The following SCUBE1 variants were observed in gnomAD, a reference collection of about 807,000 sequenced individuals.
SCUBE1 encodes the protein signal peptide, CUB and EGF-like domain-containing protein 1.
Under a neutral mutation model 124.4 loss-of-function variants are expected in SCUBE1, and 59 were observed. That is an observed-to-expected ratio of 0.47 (90% CI 0.38 to 0.59). SCUBE1 has a LOEUF of 0.59. SCUBE1 is among the 20% of genes least tolerant of loss of function. The pLI is 0.00. For synonymous variants in SCUBE1, 545 were observed against 550.9 expected (o/e 0.99, Z 0.15); for missense variants, 1,150 against 1,371.2 (o/e 0.84, Z 2.55).
chr22:43,247,987 T>C (rs948810424), intron 6 of SCUBE1, among the ~76,000 whole-genome samples: 1 of 152,188 alleles, frequency 6.6e-6, no homozygotes, highest in African/African-American at 2.4e-5. Flanking sequence ...GGGGCCCACT[T>C]AGACCAGCGG....
In SCUBE1 at chr22:43,339,221, C is replaced by G; in HGVS notation, c.103G>C (p.Asp35His). The G allele has an allele frequency of 6.2e-7, 1 of 1,613,630 alleles. No individual in the cohort carries two copies. Among genetic ancestry groups the G allele is most frequent in the Non-Finnish European group, 8.5e-7 (1 of 1,179,690 alleles). The change falls in exon 2 of 22, where the codon GAT becomes CAT. Residue 35 changes from aspartate to histidine, a missense_variant. Physicochemically the swap from Asp to His is moderately conservative, Grantham distance 81. Around this residue, in one of 3 missense-constraint regions of SCUBE1, gnomAD observed 56 missense variants for 48.1 expected, o/e 1.16. Transcript: ENST00000360835. ...GSGLPGSVDVDECSEGTDDCH... is the reference protein window; with the variant it reads ...GSGLPGSVDVHECSEGTDDCH... ...TCATCTGTGCCCTCTGAGCACTCAT[C>G]CACGTCGACTGACCCTGTGGGTAGG...
chr22:43,317,689 A>G (rs1318683696), intron 3 of SCUBE1, among the ~76,000 whole-genome samples: 2 of 152,238 alleles, frequency 1.3e-5, no homozygotes, highest in East Asian at 1.9e-4. Context: ...CGTGTTTCCC[A>G]TGACAAGATA....
intron 1 of SCUBE1, among the ~76,000 whole-genome samples, chr22:43,339,592 CTCCCCTACTCTCCTCACTCTA>C (rs1353061073): frequency 2.7e-5 from 4 of 150,796 alleles, no homozygotes; most frequent in Non-Finnish European, 4.4e-5. Flanking sequence ...CACTCCAGCC[CTCCCCTACTCTCCTCACTCTA>C]TCCCCTACTC....
chr22:43,247,764 G>A (rs1013016854), intron 6 of SCUBE1, among the ~76,000 whole-genome samples: 13 of 152,258 alleles, frequency 8.5e-5, no homozygotes, highest in African/African-American at 2.9e-4. Flanking sequence ...AGCGGGCAGG[G>A]TGGCAGAGGG....
At chr22:43,309,830 T>G (rs574885772) in intron 3 of SCUBE1, among the ~76,000 whole-genome samples, 2 of 152,066 alleles carry the variant, frequency 1.3e-5, no homozygotes, top group South Asian at 4.1e-4. Flanking sequence ...CTCTCATATC[T>G]CATCCACTGG....
intron 7 of SCUBE1, 94 bp from the exon 8 acceptor site, chr22:43,231,969 C>T: frequency 3.3e-6 from 5 of 1,506,826 alleles, no homozygotes; most frequent in East Asian, 2.3e-5. Context: ...GGGGATGACA[C>T]TGCCCTGAGT....
intron 8 of SCUBE1, 88 bp downstream of exon 8, chr22:43,231,665 C>T (rs868635893): frequency 3.4e-6 from 5 of 1,484,558 alleles, no homozygotes; most frequent in Middle Eastern, 2.3e-4. Context: ...CATTCCCCTC[C>T]CCTCCTAGGA....
At position 43,269,637 on chromosome 22, in the gene SCUBE1, C is replaced by G. The variant is rs1924213679; in HGVS notation, c.485-6792G>C. On this transcript the variant is annotated intron_variant, in intron 4 of 21. Transcript: ENST00000360835. ...CAAACACCTTGCTGCGCCCTTCCCC[C>G]TCAACTTGGGAGGAAGGGATTTTCC... is the stretch of plus-strand genomic sequence containing the variant. Among the ~76,000 whole-genome samples, 2 of 152,114 alleles carry G rather than the reference C, an allele frequency of 1.3e-5. 1 individual carries two copies. Among genetic ancestry groups the G allele is most frequent in the South Asian group, 4.2e-4 (2 of 4,818 alleles).
Position 43,322,354 on chromosome 22 carries a change from C to T in SCUBE1, c.221-2289G>A, listed in dbSNP as rs948272959. Among the ~76,000 whole-genome samples, 25 of 152,098 alleles carry T rather than the reference C, an allele frequency of 1.6e-4. 1 individual carries two copies. The highest frequency in any genetic ancestry group is 6.0e-4 in the African/African-American group (25 of 41,394). ...TTGCAGCCCTGACCTTTCTCCAGAG[C>T]CCCAGATAGACTAATGCAACCACCT... On this transcript the variant is annotated intron_variant, in intron 2 of 21. Transcript: ENST00000360835.
At chr22:43,278,499 G>A (rs938681425) in intron 4 of SCUBE1, among the ~76,000 whole-genome samples, 4 of 152,226 alleles carry the variant, frequency 2.6e-5, no homozygotes, top group African/African-American at 4.8e-5. Flanking sequence ...TGCAGGAGCC[G>A]TGCTAGGGCC....
In SCUBE1 at chr22:43,267,680, C is replaced by T. The variant is rs114396320; in HGVS notation, c.485-4835G>A. Among the ~76,000 whole-genome samples the T allele has an allele frequency of 8.5e-3, 1,299 of 152,312 alleles. 23 individuals are homozygous for T. Among genetic ancestry groups the T allele is most frequent in the African/African-American group, 0.029 (1,216 of 41,556 alleles). ...AACAGTGACACAGCGACCAGGGTGGCAGGCTGGGGCAGGGATAAGGCACTG... is the reference window on the plus strand; with the variant it reads ...AACAGTGACACAGCGACCAGGGTGGTAGGCTGGGGCAGGGATAAGGCACTG... On this transcript the variant is annotated intron_variant, in intron 4 of 21. Coordinates refer to ENST00000360835, the MANE Select transcript of SCUBE1 (RefSeq NM_173050.5).
chr22:43,278,562 A>G (rs890057541), intron 4 of SCUBE1, among the ~76,000 whole-genome samples: 10 of 152,218 alleles, frequency 6.6e-5, no homozygotes, highest in Admixed American at 6.5e-4. Flanking sequence ...CCAGGAGCCA[A>G]TAGGAACCTG....
rs1925681140 is a variant in SCUBE1, at chr22:43,299,291, C to A, written c.350-8111G>T. The stretch of plus-strand genomic sequence containing the variant: ...TGCAGCACGAAGCCGCTGCTCATGG[C>A]CTCAGGGAATCACGGGTACGAACGT... On this transcript the variant is annotated intron_variant, in intron 3 of 21. Coordinates refer to ENST00000360835, the MANE Select transcript of SCUBE1 (RefSeq NM_173050.5). 2.0e-5 allele frequency among the ~76,000 whole-genome samples: 3 copies of A among 152,128 alleles called. No individual in the cohort carries two copies. In the South Asian group the frequency reaches 6.2e-4, roughly 32 times the overall value.
intron 3 of SCUBE1, among the ~76,000 whole-genome samples, chr22:43,305,420 T>C (rs1230704544): frequency 6.6e-6 from 1 of 152,150 alleles, no homozygotes; most frequent in African/African-American, 2.4e-5. Flanking sequence ...GGGAGCAGAA[T>C]GCAGGGAGCA....
chr22:43,262,921 G>T (rs1923926163), intron 4 of SCUBE1, 76 bp from the exon 5 acceptor site: 1 of 1,483,716 alleles, frequency 6.7e-7, no homozygotes, highest in Non-Finnish European at 9.3e-7. Context: ...GCTGAAAGGG[G>T]ATAGCCAATG....
intron 3 of SCUBE1, among the ~76,000 whole-genome samples, chr22:43,319,450 C>T (rs1054728053): frequency 1.3e-5 from 2 of 148,494 alleles, no homozygotes; most frequent in Non-Finnish European, 3.0e-5. Context: ...GTAATCCCAG[C>T]TACTTGGGAG....
intron 4 of SCUBE1, among the ~76,000 whole-genome samples, chr22:43,266,210 G>A (rs2146716333): frequency 6.6e-6 from 1 of 152,272 alleles, no homozygotes; most frequent in South Asian, 2.1e-4. Context: ...GCCCGCGCGA[G>A]CCAGGCTCAC....
At chr22:43,212,211 CCCTGGAG>C (rs1244549804) in intron 17 of SCUBE1, among the ~76,000 whole-genome samples, 3 of 152,200 alleles carry the variant, frequency 2.0e-5, no homozygotes, top group African/African-American at 7.2e-5. Context: ...CTGCTGTTCC[CCCTGGAG>C]CTCAGAAAGC....
At chr22:43,277,701 C>T (rs908792839) in intron 4 of SCUBE1, among the ~76,000 whole-genome samples, 2 of 152,230 alleles carry the variant, frequency 1.3e-5, no homozygotes, top group African/African-American at 4.8e-5. Context: ...TCTGATGACT[C>T]GTGTCAGAGT....
Sources: allele counts gnomAD v4.1 joint callset (sites outside exome capture counted in the v4.1 genomes callset), GRCh38; gene constraint gnomAD v4.1.1; regional missense constraint gnomAD v4.1.1; transcripts MANE v1.5; gene names NCBI Gene and HGNC (gene_info 2026-07-23, HGNC 2026-07-21).